Variants in SEC14L5 observed in about 807,000 individuals in gnomAD.
The protein encoded by SEC14L5 is SEC14 like lipid binding 5.
Under a neutral mutation model 84.6 loss-of-function variants are expected in SEC14L5, and 96 were observed. That is an observed-to-expected ratio of 1.13 (90% CI 0.96 to 1.34). The LOEUF is 1.34. Ranked by LOEUF, SEC14L5 falls within the 40% of genes most tolerant of loss-of-function variation. The pLI is 0.00. For missense variants in SEC14L5, 1,224 were observed against 942.5 expected, an observed-to-expected ratio of 1.30 and a Z score of -3.91; for synonymous variants, 546 against 383.4, an observed-to-expected ratio of 1.42 and a Z score of -4.95.
rs1253427008 is a variant in SEC14L5 at position 5,018,633 on chromosome 16, C to T, written c.*3663C>T. Reference sequence around the variant, plus strand: ...CATGATCTCACCCCTGTACTTCATCCTGGGTGACAAAGCAAGACCCTGTCT... The same window carrying T: ...CATGATCTCACCCCTGTACTTCATCTTGGGTGACAAAGCAAGACCCTGTCT... On this transcript the variant is annotated 3_prime_UTR_variant, in exon 16 of 16. Transcript: ENST00000251170. 6.6e-6 allele frequency: 1 copy of T among 152,198 alleles called. No individual in the cohort carries two copies. The highest frequency in any genetic ancestry group is 6.5e-5 in the Admixed American group (1 of 15,274). 9.4% of individuals were successfully genotyped at this position (152,198 alleles called of 1,614,324 possible).
chr16:5,010,151 T>C (rs1475291074), intron 14 of SEC14L5, among the ~76,000 whole-genome samples: 2 of 126,072 alleles, frequency 1.6e-5, no homozygotes, highest in African/African-American at 6.3e-5. Flanking sequence ...GAGACCAGCC[T>C]GGCCAACATG....
At chr16:5,013,499 A>G (rs1596648724) in intron 15 of SEC14L5, among the ~76,000 whole-genome samples, 1 of 139,514 alleles carries the variant, frequency 7.2e-6, no homozygotes, top group Admixed American at 7.3e-5. Flanking sequence ...CAATCCTCCA[A>G]CCTCAGCTTC....
At chr16:4,988,017 G>T in intron 3 of SEC14L5, 132 bp from the exon 4 acceptor site, 1 of 972,376 alleles carries the variant, frequency 1.0e-6, no homozygotes. Flanking sequence ...GTCCGGGCTG[G>T]GTGGGCGGTG....
chr16:5,001,135 C>A (rs549385111), intron 10 of SEC14L5, among the ~76,000 whole-genome samples: 1 of 152,068 alleles, frequency 6.6e-6, no homozygotes, highest in East Asian at 1.9e-4. Flanking sequence ...ATGGTGGCCC[C>A]CATCGAAGCT....
chr16:5,012,426 A>C (rs1012110501), intron 15 of SEC14L5, among the ~76,000 whole-genome samples: 1 of 152,202 alleles, frequency 6.6e-6, no homozygotes, highest in Non-Finnish European at 1.5e-5. Flanking sequence ...TGAGAAAATC[A>C]GTTCAAAGGC....
chr16:4,972,266 G>A (rs1187151288), intron 2 of SEC14L5, among the ~76,000 whole-genome samples: 3 of 152,160 alleles, frequency 2.0e-5, no homozygotes, highest in South Asian at 2.1e-4. Flanking sequence ...GCCTCCCAAT[G>A]TGCTGGGATT....
At chr16:5,005,792 A>G (rs1955723791) in intron 11 of SEC14L5, 122 bp from the exon 12 acceptor site, 1 of 924,432 alleles carries the variant, frequency 1.1e-6, no homozygotes, top group Non-Finnish European at 1.5e-6. Context: ...TGAACCCGGG[A>G]GGTGGAGCTT....
At chr16:4,970,975 G>A (rs1955269692) in intron 2 of SEC14L5, among the ~76,000 whole-genome samples, 1 of 152,082 alleles carries the variant, frequency 6.6e-6, no homozygotes, top group African/African-American at 2.4e-5. Flanking sequence ...GGGCGTGACG[G>A]TATGTGCCTG....
rs145594399 is a variant in SEC14L5, at chr16:5,010,023, T to C, written c.1801-1072T>C. On this transcript the variant is annotated intron_variant, in intron 14 of 15. Transcript: ENST00000251170. ...GTAGTCAGATTTCTGATGTGCACTGTGGTTTCAGAACTGATGCAAAAGAAA... is the reference window on the plus strand; with the variant it reads ...GTAGTCAGATTTCTGATGTGCACTGCGGTTTCAGAACTGATGCAAAAGAAA... Among the ~76,000 whole-genome samples, 389 of 151,894 alleles carry C rather than the reference T, an allele frequency of 2.6e-3. 3 individuals carry two copies. The East Asian group carries it at 0.036, about 14-fold the overall frequency.
In SEC14L5 at chr16:4,992,049, G is replaced by GC; in HGVS notation, c.667+21dup. 6.6e-7 allele frequency: 1 copy of GC among 1,515,524 alleles called. No homozygotes were observed. The highest frequency in any genetic ancestry group is 2.1e-5 in the Admixed American group (1 of 47,642). 93.9% of individuals were successfully genotyped at this position (1,515,524 alleles called of 1,614,324 possible). On this transcript the variant is annotated intron_variant, in intron 6 of 15. Coordinates refer to ENST00000251170, the MANE Select transcript of SEC14L5 (RefSeq NM_014692.2). ...ATGGACGGTAGGTGGTACAGCCCAGGCCAGTCAGCCCTAGGAGGCTGCTGC... is the reference window on the plus strand; with the variant it reads ...ATGGACGGTAGGTGGTACAGCCCAGGCCCAGTCAGCCCTAGGAGGCTGCTGC...
intron 5 of SEC14L5, 28 bp downstream of exon 5, chr16:4,990,923 G>C: frequency 1.3e-6 from 2 of 1,533,320 alleles, no homozygotes; most frequent in South Asian, 2.5e-5. Context: ...TTAGTTACTG[G>C]AGGAAGGTGC....
chr16:4,968,330 C>A (rs1055356015), intron 2 of SEC14L5, among the ~76,000 whole-genome samples: 3 of 152,050 alleles, frequency 2.0e-5, no homozygotes, highest in African/African-American at 7.2e-5. Context: ...CAGGCATGCA[C>A]CACCACGCCA....
intron 6 of SEC14L5, among the ~76,000 whole-genome samples, chr16:4,994,991 C>T (rs1023154245): frequency 1.3e-5 from 2 of 152,204 alleles, no homozygotes; most frequent in Non-Finnish European, 2.9e-5. Context: ...CACTCCCTCC[C>T]TGATTCCAGC....
At chr16:4,980,175 G>A (rs112522180) in intron 2 of SEC14L5, among the ~76,000 whole-genome samples, 56 of 152,314 alleles carry the variant, frequency 3.7e-4, no homozygotes, top group Non-Finnish European at 7.2e-4. Flanking sequence ...AGGATGAAGC[G>A]AGGCAGTTAA....
chr16:5,015,305 C>T lies in SEC14L5; in HGVS notation c.*335C>T, dbSNP rs890190945. Reference sequence around the variant, plus strand: ...ATCTCCTCTCTGTCCACCTCTTGCTCTGCTTTCGCCATGCAGGGGACCATC... The same window carrying T: ...ATCTCCTCTCTGTCCACCTCTTGCTTTGCTTTCGCCATGCAGGGGACCATC... On this transcript the variant is annotated 3_prime_UTR_variant, in exon 16 of 16. Transcript: ENST00000251170. The T allele has an allele frequency of 1.9e-5, 5 of 266,798 alleles. No individual in the cohort carries two copies. The highest frequency in any genetic ancestry group is 3.6e-5 in the Non-Finnish European group (5 of 139,826). The allele number at this position is 266,798 out of a possible 1,614,324, so 16.5% of individuals were successfully genotyped here.
intron 2 of SEC14L5, among the ~76,000 whole-genome samples, chr16:4,980,773 G>T (rs1007086892): frequency 6.6e-6 from 1 of 152,154 alleles, no homozygotes; most frequent in Non-Finnish European, 1.5e-5. Flanking sequence ...GGAAGGGAGG[G>T]TGTCCCGGGA....
At chr16:5,007,854 C>T (rs1955750479) in intron 13 of SEC14L5, among the ~76,000 whole-genome samples, 1 of 151,314 alleles carries the variant, frequency 6.6e-6, no homozygotes, top group Admixed American at 6.6e-5. Flanking sequence ...GATCCGCCCG[C>T]CTAGGCCTCC....
chr16:4,993,604 G>A (rs1178576411), intron 6 of SEC14L5, among the ~76,000 whole-genome samples: 9 of 152,144 alleles, frequency 5.9e-5, no homozygotes, highest in Non-Finnish European at 1.2e-4. Context: ...TATTTAGGTC[G>A]TTTCAGTTTT....
chr16:4,977,870 G>A (rs1039020489), intron 2 of SEC14L5, among the ~76,000 whole-genome samples: 8 of 151,236 alleles, frequency 5.3e-5, no homozygotes, highest in Admixed American at 3.3e-4. Context: ...GCATGATCTC[G>A]GCTCACTGCC....
Sources: allele counts gnomAD v4.1 joint callset (sites outside exome capture counted in the v4.1 genomes callset), GRCh38; gene constraint gnomAD v4.1.1; transcripts MANE v1.5; gene names NCBI Gene and HGNC (gene_info 2026-07-23, HGNC 2026-07-21).